Variants in FGF9 observed in about 807,000 individuals in gnomAD.
The protein encoded by FGF9 is fibroblast growth factor 9 (glia-activating factor).
Under a neutral mutation model 19.9 loss-of-function variants are expected in FGF9, and 3 were observed. That is an observed-to-expected ratio of 0.15 (90% CI 0.07 to 0.39). FGF9 has a LOEUF of 0.39. FGF9 is among the 10% of genes least tolerant of loss of function. FGF9 has a pLI of 1.00. For missense variants in FGF9, 175 were observed against 256.8 expected, an observed-to-expected ratio of 0.68 and a Z score of 2.18; for synonymous variants, 107 against 106.9, an observed-to-expected ratio of 1.00 and a Z score of -0.01.
At chr13:21,684,907 A>G (rs1478699135) in intron 2 of FGF9, among the ~76,000 whole-genome samples, 4 of 152,208 alleles carry the variant, frequency 2.6e-5, no homozygotes, top group Non-Finnish European at 1.5e-5. Flanking sequence ...CCTGGGCAGC[A>G]GGTTATTTCC....
At chr13:21,680,930 T>C (rs1310295444) in intron 1 of FGF9, 112 bp from the exon 2 acceptor site, 4 of 755,062 alleles carry the variant, frequency 5.3e-6, no homozygotes, top group Non-Finnish European at 9.6e-6. Flanking sequence ...CGTGGGGTTA[T>C]CCAAGTGGGG....
At chr13:21,679,145 G>A (rs1398475623) in intron 1 of FGF9, among the ~76,000 whole-genome samples, 4 of 152,210 alleles carry the variant, frequency 2.6e-5, no homozygotes, top group South Asian at 2.1e-4. Context: ...TAGAGTCATA[G>A]ATTATCAGAT....
In FGF9 at chr13:21,701,387, C is replaced by A; in HGVS notation, c.579C>A (p.Asp193Glu). The A allele has an allele frequency of 2.5e-6, 4 of 1,613,722 alleles. No homozygotes were observed. Among genetic ancestry groups the A allele is most frequent in the Non-Finnish European group, 3.4e-6 (4 of 1,179,912 alleles). Residue 193 changes from aspartate to glutamate, a missense_variant, in exon 3 of 3, where the codon GAC becomes GAA. Transcript: ENST00000382353. ...KFTHFLPRPV[D>E]PDKVPELYKD... ...CACATTTTTTACCTAGACCAGTGGA[C>A]CCCGACAAAGTACCTGAACTGTATA...
At chr13:21,675,003 T>TGGGGGGGATGTGGGG (rs1250406407) in intron 1 of FGF9, among the ~76,000 whole-genome samples, 6 of 21,432 alleles carry the variant, frequency 2.8e-4, no homozygotes, top group African/African-American at 5.2e-4. Flanking sequence ...GGTACAGTGT[T>TGGGGGGGATGTGGGG]GCGGGGGATG....
At chr13:21,687,942 G>A (rs1252392522) in intron 2 of FGF9, among the ~76,000 whole-genome samples, 2 of 152,178 alleles carry the variant, frequency 1.3e-5, no homozygotes, top group Non-Finnish European at 2.9e-5. Context: ...TTCTTGGAGG[G>A]AACTTGTGGC....
At position 21,701,866 on chromosome 13, in the gene FGF9, A is replaced by T. The variant is rs1356705321; in HGVS notation, c.*431A>T. 5.4e-6 allele frequency: 1 copy of T among 184,996 alleles called. No homozygotes were observed. The highest frequency in any genetic ancestry group is 2.3e-5 in the African/African-American group (1 of 42,618). 11.5% of individuals were successfully genotyped at this position (184,996 alleles called of 1,614,324 possible). ...CATCCTATATCAGCACAGCTGCCAT[A>T]CTTCGACTTATCAGGATTCTGGCTG... On this transcript the variant is annotated 3_prime_UTR_variant, in exon 3 of 3. Transcript: ENST00000382353.
At chr13:21,673,741 C>G (rs1432866754) in intron 1 of FGF9, among the ~76,000 whole-genome samples, 1 of 151,340 alleles carries the variant, frequency 6.6e-6, no homozygotes, top group African/African-American at 2.4e-5. Context: ...GGCGGCCACC[C>G]GCAGGGTGTC....
intron 2 of FGF9, among the ~76,000 whole-genome samples, chr13:21,697,227 G>A (rs1480468112): frequency 1.3e-5 from 2 of 152,046 alleles, no homozygotes; most frequent in Non-Finnish European, 2.9e-5. Context: ...TCACAATCAC[G>A]GCTCACTGCA....
chr13:21,673,659 G>C (rs980634093), intron 1 of FGF9, among the ~76,000 whole-genome samples: 6 of 152,112 alleles, frequency 3.9e-5, no homozygotes, highest in South Asian at 2.1e-4. Flanking sequence ...CTGCCACCCT[G>C]CCTAGCGTTC....
rs922157764 is a variant in FGF9, at chr13:21,691,354, G to T, written c.382-9836G>T. 1.2e-4 allele frequency among the ~76,000 whole-genome samples: 18 copies of T among 152,222 alleles called. No homozygotes were observed. The highest frequency in any genetic ancestry group is 4.1e-4 in the African/African-American group (17 of 41,470). On this transcript the variant is annotated intron_variant, in intron 2 of 2. Coordinates refer to ENST00000382353, the MANE Select transcript of FGF9 (RefSeq NM_002010.3). This position sits in a 1 kb window ranked among gnomAD's most constrained non-coding sequence, Gnocchi z 4.2. ...CTTAATTCTAGGAGTAGGAGAGAAT[G>T]TCAGGATTATTCACAGAGGAGATGG...
chr13:21,698,304 C>G (rs1272068183), intron 2 of FGF9, among the ~76,000 whole-genome samples: 1 of 152,188 alleles, frequency 6.6e-6, no homozygotes, highest in Non-Finnish European at 1.5e-5. Context: ...TGTATTTTAA[C>G]TGGAAAAGCT....
Position 21,671,828 on chromosome 13 carries a change from G to C in FGF9, c.-85G>C. On this transcript the variant is annotated 5_prime_UTR_variant, in exon 1 of 3. Transcript: ENST00000382353. ...CTCTCTGCAACTGCAGTAAGGGAGG[G>C]GAGTTGGATATACCTCGCCTAATAT... 6.9e-7 allele frequency: 1 copy of C among 1,459,450 alleles called. No individual in the cohort carries two copies. The highest frequency in any genetic ancestry group is 1.7e-5 in the Admixed American group (1 of 59,810). 90.4% of individuals were successfully genotyped at this position (1,459,450 alleles called of 1,614,324 possible).
intron 2 of FGF9, among the ~76,000 whole-genome samples, chr13:21,689,587 G>C (rs1872240920): frequency 6.6e-6 from 1 of 151,918 alleles, no homozygotes; most frequent in Non-Finnish European, 1.5e-5. Flanking sequence ...TTCCTTTTTT[G>C]ATAAAAAGTG....
intron 2 of FGF9, among the ~76,000 whole-genome samples, chr13:21,683,279 G>A (rs562212615): frequency 9.2e-5 from 14 of 152,334 alleles, no homozygotes; most frequent in Non-Finnish European, 1.3e-4. Flanking sequence ...GATTTAAATG[G>A]TTTCTTACTC....
In FGF9 at chr13:21,691,795, GC is replaced by G; in HGVS notation, c.382-9393del. 6.6e-6 allele frequency among the ~76,000 whole-genome samples: 1 copy of G among 152,268 alleles called. No homozygotes were observed. Among genetic ancestry groups the G allele is most frequent in the South Asian group, 2.1e-4 (1 of 4,814 alleles). On this transcript the variant is annotated intron_variant, in intron 2 of 2. Coordinates refer to ENST00000382353, the MANE Select transcript of FGF9 (RefSeq NM_002010.3). The surrounding 1 kb of genome is among the most constrained non-coding windows in gnomAD (Gnocchi z 4.2). ...ATTTGTCAGCCGGCTGGCCTGGTGT[GC>G]CTCAGTGGCACTGTGACAACCGGCT...
Position 21,688,051 on chromosome 13 carries a change from G to A in FGF9, c.381+6906G>A, listed in dbSNP as rs559902353. 3.6e-4 allele frequency among the ~76,000 whole-genome samples: 55 copies of A among 152,284 alleles called. 1 individual carries two copies. Among genetic ancestry groups the A allele is most frequent in the African/African-American group, 1.2e-3 (50 of 41,560 alleles). On this transcript the variant is annotated intron_variant, in intron 2 of 2. Coordinates refer to ENST00000382353, the MANE Select transcript of FGF9 (RefSeq NM_002010.3). ...TCTGGGCAGGGTCAGAGTTGGGGAC[G>A]GAGGCCAACCCATGCAGTTCATCAG...
intron 2 of FGF9, among the ~76,000 whole-genome samples, chr13:21,696,896 A>G (rs1389284003): frequency 6.6e-6 from 1 of 152,234 alleles, no homozygotes; most frequent in African/African-American, 2.4e-5. Context: ...ATTTAAAAGC[A>G]TATGTATGAT....
At chr13:21,682,459 G>A (rs535156271) in intron 2 of FGF9, among the ~76,000 whole-genome samples, 5 of 151,964 alleles carry the variant, frequency 3.3e-5, no homozygotes, top group African/African-American at 4.8e-5. Flanking sequence ...TCTACCATTA[G>A]GCTTGTAAAA....
chr13:21,675,297 G>A (rs1027245753), intron 1 of FGF9, among the ~76,000 whole-genome samples: 3 of 152,078 alleles, frequency 2.0e-5, no homozygotes, highest in Admixed American at 1.3e-4. Context: ...TGAGAAGCGG[G>A]CCCCCGGGGT....
Sources: allele counts gnomAD v4.1 joint callset (sites outside exome capture counted in the v4.1 genomes callset), GRCh38; gene constraint gnomAD v4.1.1; non-coding constraint Gnocchi (gnomAD v3.1); transcripts MANE v1.5; gene names NCBI Gene and HGNC (gene_info 2026-07-23, HGNC 2026-07-21).